PRKCH: variants seen among roughly 807,000 people sequenced by gnomAD.
PRKCH encodes the protein protein kinase C eta.
A neutral mutation model predicts 82.5 loss-of-function variants in PRKCH; 28 were observed. The ratio of observed to expected loss-of-function variants is 0.34; its 90% CI spans 0.25 to 0.47. PRKCH has a LOEUF of 0.47. PRKCH is among the 20% of genes least tolerant of loss of function. The probability of loss-of-function intolerance (pLI) is 1.00; values close to 1 mark genes in which losing one functional copy is unlikely to be tolerated. For synonymous variants in PRKCH, 322 were observed against 327.4 expected, an observed-to-expected ratio of 0.98 and a Z score of 0.18; for missense variants, 705 against 881.8, an observed-to-expected ratio of 0.80 and a Z score of 2.54.
At position 61,207,962 on chromosome 14, in the gene PRKCH, C is replaced by T. The variant is rs1042725999; in HGVS notation, c.-19+20294C>T. ...CCCCAGCCTGACATGGACATTAGTC[C>T]GGTAAAGAACAAGCAAATACCAAAT... On this transcript the variant is annotated intron_variant, in intron 1 of 3. Coordinates refer to the PRKCH transcript ENST00000555185. Among the ~76,000 whole-genome samples the T allele has an allele frequency of 5.3e-5, 8 of 152,238 alleles. No individual in the cohort carries two copies. The East Asian group carries it at 7.7e-4, about 15-fold the overall frequency.
intron 1 of PRKCH, among the ~76,000 whole-genome samples, chr14:61,191,786 T>G (rs1263886020): frequency 6.6e-6 from 1 of 152,254 alleles, no homozygotes; most frequent in East Asian, 1.9e-4. Context: ...TTTGGGAGTT[T>G]GTTGAACTAT....
chr14:61,338,063 C>T (rs1443578837), intron 1 of PRKCH, among the ~76,000 whole-genome samples: 1 of 152,138 alleles, frequency 6.6e-6, no homozygotes, highest in African/African-American at 2.4e-5. Flanking sequence ...TGCTGGGGCG[C>T]TGCTGTTGCA....
At chr14:61,219,894 A>G (rs2044641648) in intron 1 of PRKCH, among the ~76,000 whole-genome samples, 2 of 152,224 alleles carry the variant, frequency 1.3e-5, no homozygotes, top group African/African-American at 4.8e-5. Flanking sequence ...GAAAGGAGTC[A>G]GAAGGCTCAA....
At chr14:61,337,576 G>A (rs187610093) in intron 1 of PRKCH, among the ~76,000 whole-genome samples, 283 of 152,200 alleles carry the variant, frequency 1.9e-3, no homozygotes, top group African/African-American at 5.8e-3. Flanking sequence ...GTGCACCACC[G>A]TGGTTGGCTA....
intron 1 of PRKCH, among the ~76,000 whole-genome samples, chr14:61,274,445 G>A (rs1383586593): frequency 4.6e-5 from 7 of 152,214 alleles, no homozygotes; most frequent in Admixed American, 3.3e-4. Flanking sequence ...AGCTCATTGT[G>A]GCTGTGATGT....
rs557855594 is a variant in PRKCH at position 61,205,544 on chromosome 14, C to T, written c.-19+17876C>T. ...GTGATTGTTGCTTTATCCTGAATTC[C>T]CTTAGCCCACATCTGAGTTGACCTG... On this transcript the variant is annotated intron_variant, in intron 1 of 3. Coordinates refer to the PRKCH transcript ENST00000555185. Among the ~76,000 whole-genome samples the T allele has an allele frequency of 4.6e-5, 7 of 152,236 alleles. No homozygotes were observed. The South Asian group carries it at 1.2e-3, about 27-fold the overall frequency.
chr14:61,321,910 A>C lies in PRKCH; in HGVS notation c.-192A>C. ...GGGCTCCCCTCCTTTCCACCTCGGG[A>C]GGGAGGGAAGGAGGGGAGGGAAAAG... On this transcript the variant is annotated 5_prime_UTR_variant, in exon 1 of 14. Coordinates refer to ENST00000332981, the MANE Select transcript of PRKCH (RefSeq NM_006255.5). The surrounding 1 kb of genome is among the most constrained non-coding windows in gnomAD (Gnocchi z 4.1). 7.5e-6 allele frequency: 4 copies of C among 534,068 alleles called. No homozygotes were observed. Among genetic ancestry groups the C allele is most frequent in the East Asian group, 3.2e-5 (1 of 30,954 alleles). The allele number at this position is 534,068 out of a possible 1,614,324, so 33.1% of individuals were successfully genotyped here.
At chr14:61,378,053 G>C (rs1668547770) in intron 1 of PRKCH, among the ~76,000 whole-genome samples, 1 of 152,104 alleles carries the variant, frequency 6.6e-6, no homozygotes, top group African/African-American at 2.4e-5. Flanking sequence ...TGTGTGTTCT[G>C]ATATTAGTTC....
At chr14:61,191,119 G>A (rs745625840) in intron 1 of PRKCH, among the ~76,000 whole-genome samples, 2 of 152,066 alleles carry the variant, frequency 1.3e-5, no homozygotes, top group Non-Finnish European at 2.9e-5. Flanking sequence ...TCAGGACTTG[G>A]GTGAATATAA....
chr14:61,213,661 T>C (rs1045089694), intron 1 of PRKCH, among the ~76,000 whole-genome samples: 6 of 152,208 alleles, frequency 3.9e-5, no homozygotes, highest in Non-Finnish European at 8.8e-5. Context: ...AAATATCTTC[T>C]GGCCAAAGGC....
chr14:61,517,345 G>A (rs1220291176), intron 10 of PRKCH, among the ~76,000 whole-genome samples: 2 of 152,208 alleles, frequency 1.3e-5, no homozygotes, highest in South Asian at 2.1e-4. Context: ...CGCTGGCAAA[G>A]CAAGGACATT....
intron 1 of PRKCH, among the ~76,000 whole-genome samples, chr14:61,309,939 C>CAA (rs928505343): frequency 1.4e-4 from 7 of 48,878 alleles, no homozygotes; most frequent in Non-Finnish European, 2.9e-4. Context: ...TGGTGGCAGG[C>CAA]AAGAGAGAGT....
At chr14:61,523,928 A>G (rs2042935266) in intron 10 of PRKCH, among the ~76,000 whole-genome samples, 1 of 152,234 alleles carries the variant, frequency 6.6e-6, no homozygotes, top group Admixed American at 6.5e-5. Context: ...GTAGCGAGGG[A>G]GCATGTTTGG....
At chr14:61,398,339 A>AT (rs1362936728) in intron 2 of PRKCH, among the ~76,000 whole-genome samples, 2 of 152,342 alleles carry the variant, frequency 1.3e-5, no homozygotes, top group East Asian at 3.9e-4. Context: ...ACTGAGGAAA[A>AT]TGCATTAAAC....
chr14:61,295,451 T>A (rs1201355549), intron 1 of PRKCH, among the ~76,000 whole-genome samples: 1 of 152,220 alleles, frequency 6.6e-6, no homozygotes, highest in Non-Finnish European at 1.5e-5. Context: ...GTAATTTAGC[T>A]ATTGACACAT....
At chr14:61,238,807 G>A (rs558709905) in intron 1 of PRKCH, among the ~76,000 whole-genome samples, 16 of 152,150 alleles carry the variant, frequency 1.1e-4, no homozygotes, top group African/African-American at 3.4e-4. Flanking sequence ...TGTAAGACCC[G>A]TGAAGGGAAG....
At chr14:61,394,003 A>G (rs766660203) in intron 2 of PRKCH, among the ~76,000 whole-genome samples, 3 of 152,206 alleles carry the variant, frequency 2.0e-5, no homozygotes, top group Non-Finnish European at 2.9e-5. Context: ...GGGTTGGTCC[A>G]TATCAAGCTA....
intron 10 of PRKCH, among the ~76,000 whole-genome samples, chr14:61,523,757 A>G (rs926428731): frequency 8.5e-5 from 13 of 152,224 alleles, no homozygotes; most frequent in African/African-American, 2.9e-4. Flanking sequence ...TCATAAATTG[A>G]CTGTGTATTT....
At chr14:61,548,861 C>CAAAA (rs11424840) in intron 13 of PRKCH, among the ~76,000 whole-genome samples, 2 of 128,826 alleles carry the variant, frequency 1.6e-5, no homozygotes, top group African/African-American at 2.9e-5. Context: ...GACTTTGTCT[C>CAAAA]AAAAAAAAAA....
Sources: allele counts gnomAD v4.1 joint callset (sites outside exome capture counted in the v4.1 genomes callset), GRCh38; gene constraint gnomAD v4.1.1; non-coding constraint Gnocchi (gnomAD v3.1); transcripts MANE v1.5; gene names NCBI Gene and HGNC (gene_info 2026-07-23, HGNC 2026-07-21).